LINGO2: variants seen among roughly 807,000 people sequenced by gnomAD.
LINGO2 encodes the protein leucine rich repeat and Ig domain containing 2.
A neutral mutation model predicts 30.6 loss-of-function variants in LINGO2; 14 were observed. The ratio of observed to expected loss-of-function variants is 0.46; its 90% CI spans 0.30 to 0.72. The LOEUF (loss-of-function observed/expected upper bound fraction) is 0.72. LINGO2 is among the 30% of genes least tolerant of loss of function. The pLI, the probability that LINGO2 is intolerant of heterozygous loss-of-function variation, is 0.07. For synonymous variants in LINGO2, 317 were observed against 288.5 expected (o/e 1.10, Z -1.00); for missense variants, 729 against 751.7 (o/e 0.97, Z 0.35).
rs78738580 is a variant in LINGO2, at chr9:27,981,146, A to G, written c.-35-30440T>C. Among the ~76,000 whole-genome samples, 615 of 151,722 alleles carry G rather than the reference A, an allele frequency of 4.1e-3. 4 individuals carry two copies. The highest frequency in any genetic ancestry group is 0.014 in the African/African-American group (583 of 41,454). The stretch of plus-strand genomic sequence containing the variant: ...ATTAACAAGTCAGACATCCATCTGT[A>G]TTTTTCCAGAAGTTCCACTGTTTCC... On this transcript the variant is annotated intron_variant, in intron 5 of 5. Coordinates refer to ENST00000379992, the Ensembl canonical transcript of LINGO2.
Position 28,071,980 on chromosome 9 carries a change from C to T in LINGO2, c.-86-59575G>A, listed in dbSNP as rs1002051773. Among the ~76,000 whole-genome samples, 5 of 152,280 alleles carry T rather than the reference C, an allele frequency of 3.3e-5. No homozygotes were observed. In the East Asian group the frequency reaches 9.7e-4, roughly 29 times the overall value. On this transcript the variant is annotated intron_variant, in intron 4 of 5. Coordinates refer to ENST00000379992, the Ensembl canonical transcript of LINGO2. ...ACTATATAAGTCTTTAGACAATGTA[C>T]ATATGATCGTCTGGTTAGAGCAAAG...
intron 2 of LINGO2, among the ~76,000 whole-genome samples, chr9:28,466,753 A>T (rs529629190): frequency 3.0e-4 from 45 of 152,286 alleles, no homozygotes; most frequent in African/African-American, 7.9e-4. Context: ...ATTATAAATT[A>T]AAAAAAGACA....
chr9:28,941,292 A>G, the LINGO2 span, among the ~76,000 whole-genome samples: 6 of 152,282 alleles, frequency 3.9e-5, no homozygotes, highest in African/African-American at 1.4e-4. Context: ...GTATCTAGAT[A>G]TGCATATTTA....
intron 3 of LINGO2, among the ~76,000 whole-genome samples, chr9:28,354,653 A>T (rs1203097549): frequency 3.9e-5 from 6 of 151,992 alleles, no homozygotes; most frequent in African/African-American, 1.2e-4. Context: ...CCCCTTAAAC[A>T]CAACAACCCT....
At chr9:27,956,781 G>A (rs1193539967) in intron 5 of LINGO2, among the ~76,000 whole-genome samples, 3 of 152,110 alleles carry the variant, frequency 2.0e-5, no homozygotes, top group East Asian at 3.9e-4. Flanking sequence ...TTTTTTTGTA[G>A]TGTTATTTCT....
At chr9:28,015,044 T>A (rs892311288) in intron 4 of LINGO2, among the ~76,000 whole-genome samples, 5 of 152,254 alleles carry the variant, frequency 3.3e-5, no homozygotes, top group African/African-American at 1.2e-4. Flanking sequence ...GAGTTATATA[T>A]CACATATAGC....
At chr9:28,003,344 T>C (rs1563901623) in intron 5 of LINGO2, among the ~76,000 whole-genome samples, 2 of 103,510 alleles carry the variant, frequency 1.9e-5, no homozygotes, top group Non-Finnish European at 3.9e-5. Context: ...TATAGATATA[T>C]AGATAGATAG....
chr9:28,459,783 T>C (rs1720642972), intron 2 of LINGO2, among the ~76,000 whole-genome samples: 2 of 152,126 alleles, frequency 1.3e-5, no homozygotes, highest in South Asian at 4.1e-4. Flanking sequence ...AACTTCAAAG[T>C]ATTTATACCG....
chr9:28,773,564 T>A, the LINGO2 span, among the ~76,000 whole-genome samples: 1 of 152,162 alleles, frequency 6.6e-6, no homozygotes, highest in African/African-American at 2.4e-5. Context: ...GCATACTGAA[T>A]AATTCCTTCC....
the LINGO2 span, among the ~76,000 whole-genome samples, chr9:29,060,316 A>C: frequency 2.0e-5 from 3 of 152,092 alleles, no homozygotes; most frequent in Admixed American, 6.6e-5. Flanking sequence ...AATTCTTTAC[A>C]TGAACCCACA....
At chr9:28,310,807 A>T (rs1824584545) in intron 3 of LINGO2, among the ~76,000 whole-genome samples, 1 of 152,210 alleles carries the variant, frequency 6.6e-6, no homozygotes, top group Non-Finnish European at 1.5e-5. Context: ...CTTTAAAGTT[A>T]AATCTCTTCT....
chr9:28,627,954 G>C lies in LINGO2; in HGVS notation c.-365+42246C>G, dbSNP rs529434713. Among the ~76,000 whole-genome samples, 7 of 152,060 alleles carry C rather than the reference G, an allele frequency of 4.6e-5. No homozygotes were observed. In the South Asian group the frequency reaches 1.5e-3, roughly 32 times the overall value. On this transcript the variant is annotated intron_variant, in intron 1 of 5. Coordinates refer to ENST00000379992, the Ensembl canonical transcript of LINGO2. ...AATTTTTATATAACTATGGCAGAAAGAAAAAAGTTTTTACCTATGCTTACT... is the reference window on the plus strand; with the variant it reads ...AATTTTTATATAACTATGGCAGAAACAAAAAAGTTTTTACCTATGCTTACT...
At chr9:28,090,531 C>T (rs575095801) in intron 4 of LINGO2, among the ~76,000 whole-genome samples, 94 of 152,258 alleles carry the variant, frequency 6.2e-4, no homozygotes, top group Middle Eastern at 3.4e-3. Context: ...ATGCTAAAAA[C>T]GCTCAATAAA....
the LINGO2 span, among the ~76,000 whole-genome samples, chr9:29,021,681 A>AAGGAAGGAAGG: frequency 8.9e-4 from 83 of 93,670 alleles, no homozygotes; most frequent in Middle Eastern, 6.7e-3. Context: ...GAAAGAAAAG[A>AAGGAAGGAAGG]AAGGAAGGAA....
the LINGO2 span, among the ~76,000 whole-genome samples, chr9:29,073,494 T>G: frequency 6.6e-6 from 1 of 152,140 alleles, no homozygotes; most frequent in African/African-American, 2.4e-5. Context: ...TTATAAAATT[T>G]TAAATGGTTA....
At chr9:28,892,225 G>C in the LINGO2 span, among the ~76,000 whole-genome samples, 1 of 151,932 alleles carries the variant, frequency 6.6e-6, no homozygotes, top group Non-Finnish European at 1.5e-5. Context: ...CAGTCATAAT[G>C]TACTGAGCTC....
chr9:29,073,175 T>C, the LINGO2 span, among the ~76,000 whole-genome samples: 6 of 152,138 alleles, frequency 3.9e-5, no homozygotes, highest in African/African-American at 1.4e-4. Flanking sequence ...TATGTATATA[T>C]ACATACAGAC....
chr9:28,381,330 G>A (rs893244284), intron 2 of LINGO2, among the ~76,000 whole-genome samples: 1 of 152,198 alleles, frequency 6.6e-6, no homozygotes, highest in Middle Eastern at 3.4e-3. Flanking sequence ...GGGTGCCAGT[G>A]GCAGCAAAAA....
intron 1 of LINGO2, among the ~76,000 whole-genome samples, chr9:28,499,600 T>C (rs189145744): frequency 2.0e-4 from 31 of 152,352 alleles, no homozygotes; most frequent in African/African-American, 7.2e-4. Context: ...TACTCAATTT[T>C]ACTAATCCTA....
Sources: allele counts gnomAD v4.1 joint callset (sites outside exome capture counted in the v4.1 genomes callset), GRCh38; gene constraint gnomAD v4.1.1; transcripts MANE v1.5; gene names NCBI Gene and HGNC (gene_info 2026-07-23, HGNC 2026-07-21).